KALRN: variants seen among roughly 807,000 people sequenced by gnomAD.
KALRN encodes kalirin RhoGEF kinase.
In KALRN, 70 loss-of-function variants were observed where a neutral mutation model predicts 353.7. That is an observed-to-expected ratio of 0.20 (90% CI 0.16 to 0.24). The LOEUF is 0.24. Ranked by LOEUF, KALRN falls within the 10% of genes least tolerant of loss-of-function variation. The probability of loss-of-function intolerance (pLI) is 1.00; values close to 1 mark genes in which losing one functional copy is unlikely to be tolerated. For synonymous variants in KALRN, 1,391 were observed against 1,434.8 expected (o/e 0.97, Z 0.69); for missense variants, 2,791 against 3,756.7 (o/e 0.74, Z 6.72).
rs529922003 is a variant in KALRN, at chr3:124,354,666, C to G, written c.1770+7401C>G. Among the ~76,000 whole-genome samples, 4 of 152,044 alleles carry G rather than the reference C, an allele frequency of 2.6e-5. No homozygotes were observed. The South Asian group carries it at 8.3e-4, about 32-fold the overall frequency. On this transcript the variant is annotated intron_variant, in intron 10 of 59. Transcript: ENST00000682506. ...TTTTTAGGCTTCTTTATAAATAAAC[C>G]AACAAAAGGCATGTGTAACAAGTAG... is the stretch of plus-strand genomic sequence containing the variant.
At chr3:124,286,082 C>CCTTTCTTTCTTTCTTTCT (rs2075817770) in intron 5 of KALRN, among the ~76,000 whole-genome samples, 2 of 102,156 alleles carry the variant, frequency 2.0e-5, no homozygotes, top group African/African-American at 7.5e-5. Flanking sequence ...TTCTTTCCTT[C>CCTTTCTTTCTTTCTTTCT]CTTTCTTTCT....
chr3:124,173,718 C>T (rs560166170), intron 1 of KALRN, among the ~76,000 whole-genome samples: 42 of 152,106 alleles, frequency 2.8e-4, no homozygotes, highest in Non-Finnish European at 5.3e-4. Context: ...CTGGTTCAAG[C>T]GATTCTTCTG....
chr3:124,478,231 A>G (rs1418699724), intron 27 of KALRN, among the ~76,000 whole-genome samples: 1 of 152,252 alleles, frequency 6.6e-6, no homozygotes, highest in Non-Finnish European at 1.5e-5. Flanking sequence ...CAGAAGTGAC[A>G]GAAACTAGAA....
chr3:124,679,111 G>T (rs76647416), intron 50 of KALRN, among the ~76,000 whole-genome samples: 2,007 of 152,254 alleles, frequency 0.013, 47 homozygotes, highest in African/African-American at 0.046. Flanking sequence ...CCCAGTCTAA[G>T]AGATTTCTTG....
At chr3:124,714,604 T>TG (rs2063043135) in intron 58 of KALRN, among the ~76,000 whole-genome samples, 1 of 152,174 alleles carries the variant, frequency 6.6e-6, no homozygotes, top group Non-Finnish European at 1.5e-5. Flanking sequence ...TTGAACTAGT[T>TG]TAGCAAACGT....
At chr3:124,430,116 G>T (rs1227564920) in intron 15 of KALRN, among the ~76,000 whole-genome samples, 1 of 152,144 alleles carries the variant, frequency 6.6e-6, no homozygotes, top group Non-Finnish European at 1.5e-5. Flanking sequence ...TCTCAGTGGG[G>T]AATGAAACAT....
At chr3:124,128,883 G>A (rs1025021313) in intron 1 of KALRN, among the ~76,000 whole-genome samples, 2 of 152,048 alleles carry the variant, frequency 1.3e-5, no homozygotes, top group African/African-American at 4.8e-5. Context: ...TTGTGTGCTT[G>A]TTCCCTGTCC....
chr3:124,274,712 G>A (rs1323401917), intron 5 of KALRN, among the ~76,000 whole-genome samples: 1 of 152,142 alleles, frequency 6.6e-6, no homozygotes, highest in African/African-American at 2.4e-5. Context: ...ATATTTTGGT[G>A]CCTACCTCCC....
Position 124,368,180 on chromosome 3 carries a change from G to A in KALRN, c.1771-16665G>A, listed in dbSNP as rs1472142426. The stretch of plus-strand genomic sequence containing the variant: ...TCCCTCCCGGACAGCACGGCTGGCC[G>A]GGCGGGGGGCTGACCCCCCACACCT... On this transcript the variant is annotated intron_variant, in intron 10 of 59. Coordinates refer to ENST00000682506, the MANE Select transcript of KALRN (RefSeq NM_001388419.1). Among the ~76,000 whole-genome samples the A allele has an allele frequency of 2.7e-5, 2 of 74,294 alleles. 1 individual carries two copies. The highest frequency in any genetic ancestry group is 3.6e-3 in the East Asian group (2 of 556). 48.7% of individuals were successfully genotyped at this position (74,294 alleles called of 152,430 possible).
intron 9 of KALRN, among the ~76,000 whole-genome samples, chr3:124,335,920 G>C (rs1342047606): frequency 6.6e-6 from 1 of 152,076 alleles, no homozygotes; most frequent in Non-Finnish European, 1.5e-5. Context: ...GGAAAATTGA[G>C]AGCCAACTGT....
rs1201276485 is a variant in KALRN at position 124,287,815 on chromosome 3, ATATATATATATG to A, written c.970-10969_970-10958del. 2.0e-3 allele frequency among the ~76,000 whole-genome samples: 49 copies of A among 23,964 alleles called. 1 individual carries two copies. The highest frequency in any genetic ancestry group is 8.4e-3 in the South Asian group (3 of 356). The allele number at this position is 23,964 out of a possible 152,430, so 15.7% of individuals were successfully genotyped here. On this transcript the variant is annotated intron_variant, in intron 5 of 59. Transcript: ENST00000682506. ...TATATATATATATATATATATATAT[ATATATATATATG>A]TATATAATTTTTATATATTTAATTT...
intron 1 of KALRN, among the ~76,000 whole-genome samples, chr3:124,183,656 C>T (rs1252174123): frequency 6.6e-6 from 1 of 152,110 alleles, no homozygotes; most frequent in African/African-American, 2.4e-5. Flanking sequence ...ATCTGCAGGC[C>T]AAAGGGAGGA....
intron 34 of KALRN, among the ~76,000 whole-genome samples, chr3:124,610,458 CT>C (rs2077810497): frequency 6.6e-6 from 1 of 152,128 alleles, no homozygotes; most frequent in East Asian, 1.9e-4. Context: ...GTAGAGGGCT[CT>C]GGGGGGACAA....
At chr3:124,249,585 C>G (rs1301659366) in intron 3 of KALRN, among the ~76,000 whole-genome samples, 1 of 152,100 alleles carries the variant, frequency 6.6e-6, no homozygotes, top group Admixed American at 6.5e-5. Context: ...ATACACTGCC[C>G]CCTAACATAG....
At chr3:124,250,202 G>A (rs904275787) in intron 3 of KALRN, among the ~76,000 whole-genome samples, 1 of 152,200 alleles carries the variant, frequency 6.6e-6, no homozygotes, top group Non-Finnish European at 1.5e-5. Context: ...GGGAAGGAGA[G>A]GAGGTGTGTG....
At chr3:124,270,834 T>G (rs754750983) in intron 5 of KALRN, among the ~76,000 whole-genome samples, 2,940 of 147,774 alleles carry the variant, frequency 0.02, 49 homozygotes, top group Middle Eastern at 0.052. Flanking sequence ...GTTTTTTTTT[T>G]TTTTTTTTTT....
intron 1 of KALRN, among the ~76,000 whole-genome samples, chr3:124,125,939 G>A (rs1005104631): frequency 3.3e-5 from 5 of 152,142 alleles, no homozygotes; most frequent in African/African-American, 9.7e-5. Flanking sequence ...CTTGGTTTGC[G>A]TCCTGACTCT....
chr3:124,337,570 T>A (rs540714027), intron 9 of KALRN, among the ~76,000 whole-genome samples: 2 of 152,330 alleles, frequency 1.3e-5, no homozygotes, highest in African/African-American at 4.8e-5. Context: ...GATTTTTGCG[T>A]CAATGTTCAT....
In KALRN at chr3:124,395,594, T is replaced by A. The variant is rs77672358; in HGVS notation, c.2171+251T>A. The A allele has an allele frequency of 2.1e-3, 1,006 of 473,686 alleles. 24 individuals carry two copies. The East Asian group carries it at 0.029, about 14-fold the overall frequency. The allele number at this position is 473,686 out of a possible 1,614,324, so 29.3% of individuals were successfully genotyped here. On this transcript the variant is annotated intron_variant, in intron 12 of 59. Transcript: ENST00000682506. ...GTTATTCAGCCATCAGTAAGTAACA[T>A]AAATACAACAAAAATTAACAAAAGA...
Sources: gnomAD v4.1 joint callset for allele counts (sites outside exome capture counted in the v4.1 genomes callset) on GRCh38, gnomAD v4.1.1 for gene constraint, MANE v1.5 for transcripts, NCBI Gene and HGNC (gene_info 2026-07-23, HGNC 2026-07-21) for gene names.